TMEM184B: variants seen among roughly 807,000 people sequenced by gnomAD.
TMEM184B encodes the protein transmembrane protein 184B, also known as putative MAPK-activating protein FM08.
In TMEM184B, 17 loss-of-function variants were observed where a neutral mutation model predicts 41.8. That is an observed-to-expected ratio of 0.41 (90% CI 0.28 to 0.61). TMEM184B has a LOEUF of 0.61. TMEM184B is among the 20% of genes least tolerant of loss of function. TMEM184B has a pLI of 0.34. For missense variants in TMEM184B, 393 were observed against 557.8 expected (o/e 0.70, Z 2.98); for synonymous variants, 240 against 229.5 (o/e 1.05, Z -0.41).
Position 38,220,728 on chromosome 22 carries a change from G to A in TMEM184B, c.*741C>T. 2.0e-6 allele frequency: 2 copies of A among 986,402 alleles called. No individual in the cohort carries two copies. The highest frequency in any genetic ancestry group is 1.7e-5 in the African/African-American group (1 of 57,382). The allele number at this position is 986,402 out of a possible 1,614,324, so 61.1% of individuals were successfully genotyped here. The stretch of plus-strand genomic sequence containing the variant: ...CCCAAGTGAGCCGGCAGTGCGGGCT[G>A]TGGGCTGTCCTTGGTAGGCCAGGGG... On this transcript the variant is annotated 3_prime_UTR_variant, in exon 9 of 9. Coordinates refer to ENST00000361906, the MANE Select transcript of TMEM184B (RefSeq NM_012264.5).
At chr22:38,237,067 G>A (rs937705554) in intron 3 of TMEM184B, among the ~76,000 whole-genome samples, 4 of 152,096 alleles carry the variant, frequency 2.6e-5, no homozygotes, top group Non-Finnish European at 1.5e-5. Context: ...TGGGTAGGAA[G>A]CTGTAGGCCA....
chr22:38,228,805 C>T (rs1301606444), intron 5 of TMEM184B, among the ~76,000 whole-genome samples: 2 of 152,194 alleles, frequency 1.3e-5, no homozygotes, highest in Non-Finnish European at 2.9e-5. Context: ...AACAGAACAT[C>T]TGAGCCCACA....
intron 1 of TMEM184B, among the ~76,000 whole-genome samples, chr22:38,260,359 T>C (rs746096404): frequency 3.3e-5 from 5 of 152,140 alleles, no homozygotes; most frequent in Non-Finnish European, 7.3e-5. Context: ...CCCGACCTAA[T>C]TTGTGTTTTA....
intron 1 of TMEM184B, among the ~76,000 whole-genome samples, chr22:38,257,386 C>T (rs980612602): frequency 6.6e-6 from 1 of 152,018 alleles, no homozygotes; most frequent in Non-Finnish European, 1.5e-5. Context: ...ACTCAGTGGA[C>T]GGGATGGAAA....
At chr22:38,235,965 C>T (rs982644718) in intron 3 of TMEM184B, among the ~76,000 whole-genome samples, 1 of 152,204 alleles carries the variant, frequency 6.6e-6, no homozygotes, top group Non-Finnish European at 1.5e-5. Context: ...AATGACTCTA[C>T]ATCTCCCTAA....
intron 5 of TMEM184B, among the ~76,000 whole-genome samples, chr22:38,228,621 G>A (rs896851699): frequency 7.9e-5 from 12 of 152,190 alleles, no homozygotes; most frequent in African/African-American, 2.9e-4. Flanking sequence ...CTTTAAGTAG[G>A]GAATCTCTCC....
intron 1 of TMEM184B, among the ~76,000 whole-genome samples, chr22:38,271,584 C>G (rs558083815): frequency 5.9e-5 from 9 of 152,094 alleles, no homozygotes; most frequent in African/African-American, 2.2e-4. Flanking sequence ...CACGATCCCC[C>G]TCCCCGGGAA....
chr22:38,267,106 C>A (rs2092455160), intron 1 of TMEM184B, among the ~76,000 whole-genome samples: 1 of 151,302 alleles, frequency 6.6e-6, no homozygotes, highest in Non-Finnish European at 1.5e-5. Flanking sequence ...AAAACAAGTA[C>A]TACTTCTAAT....
chr22:38,243,378 TC>T (rs1399958554), intron 3 of TMEM184B, among the ~76,000 whole-genome samples: 1 of 151,712 alleles, frequency 6.6e-6, no homozygotes, highest in Non-Finnish European at 1.5e-5. Context: ...GTCTTTGGGG[TC>T]CCGCCGAGAA....
Position 38,250,755 on chromosome 22 carries a change from G to T in TMEM184B, c.-58-2736C>A, listed in dbSNP as rs896315563. 3.9e-5 allele frequency among the ~76,000 whole-genome samples: 6 copies of T among 152,260 alleles called. No individual in the cohort carries two copies. The East Asian group carries it at 1.2e-3, about 29-fold the overall frequency. On this transcript the variant is annotated intron_variant, in intron 1 of 8. Transcript: ENST00000361906. ...GCGGTGTTGAGAAACCCCCAGCTTGGACTCCCAGGCAGAGGGGCAACCCCA... is the reference window on the plus strand; with the variant it reads ...GCGGTGTTGAGAAACCCCCAGCTTGTACTCCCAGGCAGAGGGGCAACCCCA...
intron 1 of TMEM184B, among the ~76,000 whole-genome samples, chr22:38,261,075 C>T (rs1364679864): frequency 2.0e-5 from 3 of 152,290 alleles, no homozygotes; most frequent in East Asian, 1.9e-4. Flanking sequence ...CTGAACTGAC[C>T]GCTCTGCTCC....
chr22:38,219,979 C>A lies in TMEM184B; in HGVS notation c.*1490G>T, dbSNP rs1252975429. On this transcript the variant is annotated 3_prime_UTR_variant, in exon 9 of 9. Coordinates refer to ENST00000361906, the MANE Select transcript of TMEM184B (RefSeq NM_012264.5). ...ACAGGTGGCAGGGAGGGAACCTGTT[C>A]ATTCCAGGAAGGACCAAAAGAAAGA... 4 of 985,492 alleles carry A rather than the reference C, an allele frequency of 4.1e-6. No homozygotes were observed. Among genetic ancestry groups the A allele is most frequent in the Non-Finnish European group, 4.8e-6 (4 of 829,970 alleles). 61.0% of individuals were successfully genotyped at this position (985,492 alleles called of 1,614,324 possible).
At position 38,220,825 on chromosome 22, in the gene TMEM184B, T is replaced by C; in HGVS notation, c.*644A>G. 1 of 986,088 alleles carries C rather than the reference T, an allele frequency of 1.0e-6. No individual in the cohort carries two copies. Among genetic ancestry groups the C allele is most frequent in the Non-Finnish European group, 1.2e-6 (1 of 830,134 alleles). The allele number at this position is 986,088 out of a possible 1,614,324, so 61.1% of individuals were successfully genotyped here. On this transcript the variant is annotated 3_prime_UTR_variant, in exon 9 of 9. Coordinates refer to ENST00000361906, the MANE Select transcript of TMEM184B (RefSeq NM_012264.5). ...ACCCAGGGGCCCAGAAGCCCCTGCT[T>C]CAACAGAAGCGGTGCCCAGGGGCCC...
chr22:38,269,585 G>A (rs913769176), intron 1 of TMEM184B, among the ~76,000 whole-genome samples: 1 of 152,240 alleles, frequency 6.6e-6, no homozygotes, highest in African/African-American at 2.4e-5. Flanking sequence ...TAATCTCAGC[G>A]CTTTAGAAGG....
intron 1 of TMEM184B, among the ~76,000 whole-genome samples, chr22:38,253,791 A>T (rs1287223897): frequency 6.6e-6 from 1 of 152,228 alleles, no homozygotes; most frequent in Admixed American, 6.5e-5. Context: ...AAACTGCAAT[A>T]TAAGAAAAGT....
chr22:38,256,943 G>A lies in TMEM184B; in HGVS notation c.-58-8924C>T, dbSNP rs375205835. On this transcript the variant is annotated intron_variant, in intron 1 of 8. Transcript: ENST00000361906. The stretch of plus-strand genomic sequence containing the variant: ...ACGGGTGACGTCTAGTCTAGCTGTA[G>A]TACAGTATCAAAGCCTGGAAGTGGA... Among the ~76,000 whole-genome samples, 23 of 150,048 alleles carry A rather than the reference G, an allele frequency of 1.5e-4. No individual in the cohort carries two copies. The East Asian group carries it at 4.1e-3, about 27-fold the overall frequency.
intron 1 of TMEM184B, among the ~76,000 whole-genome samples, chr22:38,263,864 A>T (rs1438349927): frequency 6.6e-6 from 1 of 152,178 alleles, no homozygotes; most frequent in Non-Finnish European, 1.5e-5. Flanking sequence ...AAGTGCGGTG[A>T]TGCAATCTCA....
chr22:38,257,858 G>A (rs1362393704), intron 1 of TMEM184B, among the ~76,000 whole-genome samples: 1 of 152,158 alleles, frequency 6.6e-6, no homozygotes, highest in African/African-American at 2.4e-5. Context: ...GGAGAGCAGT[G>A]CTATAGTGAT....
chr22:38,217,843 A>AAG (rs1555889279), downstream of TMEM184B, among the ~76,000 whole-genome samples: 57 of 136,200 alleles, frequency 4.2e-4, no homozygotes, highest in East Asian at 4.8e-3. Flanking sequence ...AAAAAAAAAA[A>AAG]AAAAGAAAAG....
Sources: gnomAD v4.1 joint callset for allele counts (sites outside exome capture counted in the v4.1 genomes callset) on GRCh38, gnomAD v4.1.1 for gene constraint, MANE v1.5 for transcripts, NCBI Gene and HGNC (gene_info 2026-07-23, HGNC 2026-07-21) for gene names.